MTX2: variants seen among roughly 807,000 people sequenced by gnomAD.
MTX2 encodes the protein metaxin 2.
Under a neutral mutation model 42.3 loss-of-function variants are expected in MTX2, and 35 were observed. The ratio of observed to expected loss-of-function variants is 0.83; its 90% CI spans 0.63 to 1.10. MTX2 has a LOEUF of 1.10. Among genes scored for constraint, MTX2 ranks in the 50% least tolerant of loss-of-function variants. The probability of loss-of-function intolerance (pLI) is 0.00; values close to 1 mark genes in which losing one functional copy is unlikely to be tolerated. For synonymous variants in MTX2, 119 were observed against 100.9 expected (o/e 1.18, Z -1.08); for missense variants, 307 against 304.1 (o/e 1.01, Z -0.07).
intron 1 of MTX2, among the ~76,000 whole-genome samples, chr2:176,293,119 A>G (rs996619756): frequency 6.6e-6 from 1 of 152,250 alleles, no homozygotes; most frequent in African/African-American, 2.4e-5. Flanking sequence ...TATTGTAATA[A>G]TACTGTGTTT....
intron 3 of MTX2, among the ~76,000 whole-genome samples, chr2:176,319,345 T>C (rs1352619914): frequency 1.3e-5 from 2 of 152,182 alleles, no homozygotes; most frequent in Admixed American, 6.5e-5. Flanking sequence ...TTCTTCCATC[T>C]TTCAAGAGAA....
rs567945613 is a variant in MTX2 at position 176,329,903 on chromosome 2, G to A, written c.543+477G>A. Reference sequence around the variant, plus strand: ...TGTCCGTCTGTCTGTCTATCTATCTGTCTATCTGTCTATCTATCTGTCTAT... The same window carrying A: ...TGTCCGTCTGTCTGTCTATCTATCTATCTATCTGTCTATCTATCTGTCTAT... On this transcript the variant is annotated intron_variant, in intron 8 of 9. Transcript: ENST00000249442. Among the ~76,000 whole-genome samples, 184 of 143,306 alleles carry A rather than the reference G, an allele frequency of 1.3e-3. 1 individual carries two copies. Among genetic ancestry groups the A allele is most frequent in the African/African-American group, 4.1e-3 (161 of 39,056 alleles). The allele number at this position is 143,306 out of a possible 152,430, so 94.0% of individuals were successfully genotyped here.
chr2:176,287,589 A>G (rs988366792), intron 1 of MTX2, among the ~76,000 whole-genome samples: 35 of 152,194 alleles, frequency 2.3e-4, no homozygotes, highest in African/African-American at 8.0e-4. Context: ...CTCAACCTGT[A>G]TGTAACAAGC....
intron 3 of MTX2, among the ~76,000 whole-genome samples, chr2:176,312,190 G>A (rs545177012): frequency 1.1e-4 from 17 of 152,262 alleles, no homozygotes; most frequent in African/African-American, 4.1e-4. Flanking sequence ...AGTGAGCTCT[G>A]AACCCATAAA....
rs368782811 is a variant in MTX2, at chr2:176,320,474, T to C, written c.136-2918T>C. ...AGTTATTTCAAACTCTTTTTTGTTC[T>C]ACTGAAGGCCTCAATCCCTTCTTAG... On this transcript the variant is annotated intron_variant, in intron 3 of 9. Transcript: ENST00000249442. Among the ~76,000 whole-genome samples the C allele has an allele frequency of 5.3e-5, 8 of 152,308 alleles. No individual in the cohort carries two copies. The South Asian group carries it at 1.0e-3, about 20-fold the overall frequency.
intron 1 of MTX2, among the ~76,000 whole-genome samples, chr2:176,287,897 CTT>C (rs35080426): frequency 0.01 from 1,442 of 140,142 alleles, 23 homozygotes; most frequent in African/African-American, 0.033. Context: ...ATACTGACTG[CTT>C]TTTTTTTTTT....
rs189625588 is a variant in MTX2, at chr2:176,304,912, T to G, written c.135+7017T>G. Among the ~76,000 whole-genome samples, 334 of 152,204 alleles carry G rather than the reference T, an allele frequency of 2.2e-3. 1 individual carries two copies. The highest frequency in any genetic ancestry group is 7.8e-3 in the African/African-American group (323 of 41,588). On this transcript the variant is annotated intron_variant, in intron 3 of 9. Coordinates refer to ENST00000249442, the MANE Select transcript of MTX2 (RefSeq NM_006554.5). ...TACCTATCTAGAATTTGAATAACTT[T>G]GTTCATGTGACTTACATAAATTTAG...
intron 3 of MTX2, among the ~76,000 whole-genome samples, chr2:176,319,957 C>T (rs1684538551): frequency 6.6e-6 from 1 of 152,102 alleles, no homozygotes; most frequent in African/African-American, 2.4e-5. Flanking sequence ...TCCTCGGCCT[C>T]TGGAAGCACT....
chr2:176,334,150 A>C (rs1290326326), intron 9 of MTX2, among the ~76,000 whole-genome samples: 3 of 151,768 alleles, frequency 2.0e-5, no homozygotes, highest in African/African-American at 4.8e-5. Context: ...ATATATTTGC[A>C]ACAAACCACT....
intron 3 of MTX2, among the ~76,000 whole-genome samples, chr2:176,308,265 G>A (rs1458601372): frequency 6.6e-6 from 1 of 152,146 alleles, no homozygotes; most frequent in Admixed American, 6.6e-5. Context: ...GATCATGATG[G>A]ATAAGGTTTT....
chr2:176,280,730 A>C (rs573473966), intron 1 of MTX2, among the ~76,000 whole-genome samples: 1 of 152,252 alleles, frequency 6.6e-6, no homozygotes, highest in Non-Finnish European at 1.5e-5. Context: ...TCCACAAGTC[A>C]GTCAATGTTG....
At chr2:176,273,402 T>A (rs6718378) in intron 1 of MTX2, among the ~76,000 whole-genome samples, 43,745 of 152,034 alleles carry the variant, frequency 0.29, 7,003 homozygotes, top group African/African-American at 0.42. Context: ...CAGGTTGGAG[T>A]TATGTATCTA....
At chr2:176,286,996 C>T (rs77262049) in intron 1 of MTX2, among the ~76,000 whole-genome samples, 1,547 of 152,220 alleles carry the variant, frequency 0.01, 22 homozygotes, top group African/African-American at 0.034. Context: ...TATACACTGT[C>T]GTGTATGTTT....
chr2:176,308,508 A>C (rs1684211401), intron 3 of MTX2, among the ~76,000 whole-genome samples: 2 of 152,124 alleles, frequency 1.3e-5, no homozygotes, highest in Non-Finnish European at 2.9e-5. Context: ...TTGTCTGTGA[A>C]TCCATCTGGT....
intron 9 of MTX2, among the ~76,000 whole-genome samples, chr2:176,331,751 G>T (rs921533967): frequency 1.3e-4 from 20 of 151,130 alleles, no homozygotes; most frequent in Admixed American, 4.0e-4. Context: ...CTATTTTTCA[G>T]TCCCTAACAC....
chr2:176,316,520 G>C, intron 3 of MTX2, among the ~76,000 whole-genome samples: 1 of 152,030 alleles, frequency 6.6e-6, no homozygotes, highest in East Asian at 1.9e-4. Flanking sequence ...TCCCACCTCA[G>C]CCTCCCAAGT....
chr2:176,305,820 C>G (rs908861708), intron 3 of MTX2, among the ~76,000 whole-genome samples: 1 of 152,080 alleles, frequency 6.6e-6, no homozygotes, highest in Admixed American at 6.6e-5. Context: ...CAAATGTTCT[C>G]TCAAATAACA....
At chr2:176,300,379 G>A (rs954970101) in intron 3 of MTX2, among the ~76,000 whole-genome samples, 2 of 151,958 alleles carry the variant, frequency 1.3e-5, no homozygotes, top group Non-Finnish European at 2.9e-5. Flanking sequence ...TTAATAATAT[G>A]CATTATTTTA....
intron 1 of MTX2, among the ~76,000 whole-genome samples, chr2:176,274,701 C>G (rs1692905170): frequency 6.6e-6 from 1 of 152,168 alleles, no homozygotes; most frequent in Non-Finnish European, 1.5e-5. Context: ...AGACCAGGTA[C>G]TACCTGGAGT....
Sources: gnomAD v4.1 joint callset for allele counts (sites outside exome capture counted in the v4.1 genomes callset) on GRCh38, gnomAD v4.1.1 for gene constraint, MANE v1.5 for transcripts, NCBI Gene and HGNC (gene_info 2026-07-23, HGNC 2026-07-21) for gene names.